Variants in CNTN4 observed in about 807,000 individuals in gnomAD.
The protein encoded by CNTN4 is contactin-4.
In CNTN4, 77 loss-of-function variants were observed where a neutral mutation model predicts 122.5. The observed-to-expected ratio is 0.63, with a 90% CI of 0.52 to 0.76. CNTN4 has a LOEUF of 0.76. CNTN4 is among the 30% of genes least tolerant of loss of function. CNTN4 has a pLI of 0.00. For synonymous variants in CNTN4, 512 were observed against 447.0 expected (o/e 1.15, Z -1.83); for missense variants, 1,256 against 1,259.1 (o/e 1.00, Z 0.04).
At chr3:2,822,910 T>C (rs2092907835) in intron 7 of CNTN4, among the ~76,000 whole-genome samples, 2 of 152,188 alleles carry the variant, frequency 1.3e-5, no homozygotes, top group Non-Finnish European at 2.9e-5. Flanking sequence ...AATATTCTTA[T>C]TATAAGCTCT....
chr3:2,282,703 A>G (rs1264473293), intron 2 of CNTN4, among the ~76,000 whole-genome samples: 1 of 152,210 alleles, frequency 6.6e-6, no homozygotes, highest in Non-Finnish European at 1.5e-5. Context: ...ACACAAGTTC[A>G]TAGCAGCATT....
chr3:3,007,521 T>C (rs1696777365), intron 14 of CNTN4, among the ~76,000 whole-genome samples: 1 of 152,194 alleles, frequency 6.6e-6, no homozygotes, highest in Non-Finnish European at 1.5e-5. Context: ...ACCCAAAGGG[T>C]GTTGTCATTT....
Position 2,658,808 on chromosome 3 carries a change from CT to C in CNTN4, c.56-77400del, listed in dbSNP as rs566905385. 2.2e-3 allele frequency among the ~76,000 whole-genome samples: 342 copies of C among 152,064 alleles called. 1 individual carries two copies. Among genetic ancestry groups the C allele is most frequent in the African/African-American group, 8.0e-3 (331 of 41,466 alleles). On this transcript the variant is annotated intron_variant, in intron 4 of 24. Coordinates refer to ENST00000418658, the MANE Select transcript of CNTN4 (RefSeq NM_175607.3). ...GATTTACTGGGTCTTAGTTTCAAGC[CT>C]TTTTTTATAATGAAGCTCACTCTAT...
intron 4 of CNTN4, among the ~76,000 whole-genome samples, chr3:2,592,860 C>G (rs575508291): frequency 6.6e-6 from 1 of 152,270 alleles, no homozygotes; most frequent in Non-Finnish European, 1.5e-5. Context: ...TAGAAATGCT[C>G]ACATAGATGT....
intron 3 of CNTN4, among the ~76,000 whole-genome samples, chr3:2,492,507 A>G (rs769199475): frequency 7.7e-4 from 117 of 152,256 alleles, no homozygotes; most frequent in Non-Finnish European, 1.3e-3. Flanking sequence ...ACTTTTAGGT[A>G]TATTGTTTTG....
chr3:2,685,969 C>G (rs901218608), intron 4 of CNTN4, among the ~76,000 whole-genome samples: 1 of 152,206 alleles, frequency 6.6e-6, no homozygotes, highest in South Asian at 2.1e-4. Flanking sequence ...AATGCACAAC[C>G]AATTCCCAAT....
At chr3:2,696,664 G>C (rs1035205554) in intron 4 of CNTN4, among the ~76,000 whole-genome samples, 12 of 152,176 alleles carry the variant, frequency 7.9e-5, no homozygotes, top group Admixed American at 7.2e-4. Flanking sequence ...GAATCCCAAA[G>C]GGACTGAGAC....
intron 3 of CNTN4, among the ~76,000 whole-genome samples, chr3:2,395,224 T>G (rs903928591): frequency 6.6e-6 from 1 of 152,164 alleles, no homozygotes; most frequent in African/African-American, 2.4e-5. Flanking sequence ...TGAATGAATC[T>G]TAATACATGG....
chr3:2,176,394 T>G (rs2036749700), intron 2 of CNTN4, among the ~76,000 whole-genome samples: 1 of 152,184 alleles, frequency 6.6e-6, no homozygotes, highest in African/African-American at 2.4e-5. Flanking sequence ...GGTACATACC[T>G]AAGATTAGCT....
chr3:2,908,000 C>G (rs992727358), intron 12 of CNTN4, among the ~76,000 whole-genome samples: 3 of 152,020 alleles, frequency 2.0e-5, no homozygotes, highest in Non-Finnish European at 4.4e-5. Context: ...ATTTTTTTCC[C>G]AAGGCAACTC....
At chr3:2,785,895 G>GCCCCCTCCCCCCCCC in intron 6 of CNTN4, among the ~76,000 whole-genome samples, 1 of 81,722 alleles carries the variant, frequency 1.2e-5, no homozygotes. Flanking sequence ...GGCCCACGCT[G>GCCCCCTCCCCCCCCC]CCCCCCCCCG....
chr3:2,426,797 CG>C (rs1325253499), intron 3 of CNTN4, among the ~76,000 whole-genome samples: 1 of 151,878 alleles, frequency 6.6e-6, no homozygotes, highest in African/African-American at 2.4e-5. Context: ...GTTTAGTCTT[CG>C]GAGGGTGTAT....
intron 3 of CNTN4, among the ~76,000 whole-genome samples, chr3:2,527,207 A>T (rs6793579): frequency 6.9e-6 from 1 of 144,384 alleles, no homozygotes; most frequent in South Asian, 2.2e-4. Flanking sequence ...TGGTCATTAC[A>T]TGTCCTCTGG....
At chr3:2,242,017 A>C (rs954760125) in intron 2 of CNTN4, among the ~76,000 whole-genome samples, 2 of 152,178 alleles carry the variant, frequency 1.3e-5, no homozygotes, top group Admixed American at 1.3e-4. Flanking sequence ...CAAAAAGAGC[A>C]TGTCTGCATC....
intron 4 of CNTN4, among the ~76,000 whole-genome samples, chr3:2,658,190 G>A (rs1269509437): frequency 6.6e-6 from 1 of 151,726 alleles, no homozygotes; most frequent in Non-Finnish European, 1.5e-5. Flanking sequence ...TTGCAGCGGG[G>A]AGGAGCCTGG....
At chr3:2,343,240 C>G (rs2044274481) in intron 3 of CNTN4, among the ~76,000 whole-genome samples, 1 of 152,108 alleles carries the variant, frequency 6.6e-6, no homozygotes, top group Admixed American at 6.6e-5. Flanking sequence ...CTCCCCACAA[C>G]CAATTAACAA....
rs1220858726 is a variant in CNTN4 at position 2,709,503 on chromosome 3, A to G, written c.56-26712A>G. On this transcript the variant is annotated intron_variant, in intron 4 of 24. Coordinates refer to ENST00000418658, the MANE Select transcript of CNTN4 (RefSeq NM_175607.3). This position sits in a 1 kb window ranked among gnomAD's most constrained non-coding sequence, Gnocchi z 5.0. ...CTAATCCCCGCAATTACAGGGTTTTATATCGTTTGCCTCAGGCTAAAGATT... is the reference window on the plus strand; with the variant it reads ...CTAATCCCCGCAATTACAGGGTTTTGTATCGTTTGCCTCAGGCTAAAGATT... Among the ~76,000 whole-genome samples, 1 of 152,210 alleles carries G rather than the reference A, an allele frequency of 6.6e-6. No individual in the cohort carries two copies. Among genetic ancestry groups the G allele is most frequent in the East Asian group, 1.9e-4 (1 of 5,202 alleles).
chr3:2,912,462 G>C (rs181524949), intron 12 of CNTN4, among the ~76,000 whole-genome samples: 6 of 152,226 alleles, frequency 3.9e-5, no homozygotes, highest in Non-Finnish European at 8.8e-5. Context: ...GAAATGAAAG[G>C]ATGATAAACA....
At chr3:2,367,208 A>T (rs1432175907) in intron 3 of CNTN4, among the ~76,000 whole-genome samples, 1 of 152,240 alleles carries the variant, frequency 6.6e-6, no homozygotes, top group African/African-American at 2.4e-5. Flanking sequence ...TACAGAAGAA[A>T]AAAATGCTGG....
Sources: allele counts gnomAD v4.1 joint callset (sites outside exome capture counted in the v4.1 genomes callset), GRCh38; gene constraint gnomAD v4.1.1; non-coding constraint Gnocchi (gnomAD v3.1); transcripts MANE v1.5; gene names NCBI Gene and HGNC (gene_info 2026-07-23, HGNC 2026-07-21).